PISD: variants seen among roughly 807,000 people sequenced by gnomAD.
The protein encoded by PISD is phosphatidylserine decarboxylase proenzyme, mitochondrial.
Under a neutral mutation model 43.5 loss-of-function variants are expected in PISD, and 31 were observed. That is an observed-to-expected ratio of 0.71 (90% CI 0.54 to 0.96). The LOEUF is 0.96. PISD is among the 40% of genes least tolerant of loss of function. The pLI is 0.00. For synonymous variants in PISD, 259 were observed against 228.7 expected (o/e 1.13, Z -1.20); for missense variants, 523 against 548.4 (o/e 0.95, Z 0.46).
chr22:31,641,607 G>C (rs2073729694), intron 3 of PISD, among the ~76,000 whole-genome samples: 1 of 151,460 alleles, frequency 6.6e-6, no homozygotes, highest in Non-Finnish European at 1.5e-5. Context: ...CTGAGGTCAA[G>C]AGTTCAAGAA....
chr22:31,654,164 TATCTGAGGTCTC>T (rs2074105813), intron 1 of PISD, among the ~76,000 whole-genome samples: 1 of 152,148 alleles, frequency 6.6e-6, no homozygotes, highest in Non-Finnish European at 1.5e-5. Flanking sequence ...TGCACACACA[TATCTGAGGTCTC>T]ATCTTACTTG....
At chr22:31,641,690 C>A (rs1326826799) in intron 3 of PISD, among the ~76,000 whole-genome samples, 7 of 150,934 alleles carry the variant, frequency 4.6e-5, no homozygotes, top group Non-Finnish European at 1.0e-4. Context: ...TGTGGTGCCA[C>A]AAGCCTGTAA....
intron 3 of PISD, chr22:31,623,721 C>A: frequency 6.2e-7 from 1 of 1,614,118 alleles, no homozygotes; most frequent in Non-Finnish European, 8.5e-7. Context: ...GCTGAGCGGT[C>A]TGAGGGCGCC....
rs891762697 is a variant in PISD, at chr22:31,650,734, G to A, written c.110C>T (p.Pro37Leu). 1.9e-6 allele frequency: 3 copies of A among 1,556,150 alleles called. No individual in the cohort carries two copies. In the African/African-American group the frequency reaches 4.1e-5, roughly 21 times the overall value. Reference protein sequence around the residue: ...EITALSQSLQPLRKLPFRAFR... With the variant: ...EITALSQSLQLLRKLPFRAFR... ...GGCTCTAAAAGGCAGCTTCCGTAAG[G>A]GCTGTAGGGATTGGCTCAGGGCAGT... The change falls in exon 2 of 8, where the codon CCC becomes CTC. Residue 37 changes from proline (P) to leucine (L), a missense_variant. By Grantham distance (98) the Pro-to-Leu change is moderately conservative. Coordinates refer to ENST00000439502, the MANE Select transcript of PISD (RefSeq NM_001326411.2).
At chr22:31,639,519 T>A (rs567373005) in intron 3 of PISD, among the ~76,000 whole-genome samples, 156 of 152,226 alleles carry the variant, frequency 1.0e-3, no homozygotes, top group African/African-American at 3.5e-3. Flanking sequence ...TGAGCCACCA[T>A]GCCTAGCTGA....
At chr22:31,655,316 C>CCTTTT (rs1491359661) in intron 1 of PISD, among the ~76,000 whole-genome samples, 33 of 145,158 alleles carry the variant, frequency 2.3e-4, no homozygotes, top group African/African-American at 8.3e-4. Context: ...GTACAACCCC[C>CCTTTT]TTTTTTTTTT....
chr22:31,640,973 C>G (rs1308035455), intron 3 of PISD, among the ~76,000 whole-genome samples: 2 of 139,288 alleles, frequency 1.4e-5, no homozygotes, highest in East Asian at 4.5e-4. Flanking sequence ...CTGCAACCTC[C>G]ACCTCCTGGG....
At chr22:31,620,482 C>T in intron 7 of PISD, 71 bp downstream of exon 7, 2 of 1,494,724 alleles carry the variant, frequency 1.3e-6, no homozygotes, top group East Asian at 2.3e-5. Flanking sequence ...GCATCCGCCG[C>T]ACAGCAGACA....
chr22:31,643,903 C>A (rs1307258518), intron 3 of PISD, among the ~76,000 whole-genome samples: 2 of 152,068 alleles, frequency 1.3e-5, no homozygotes, highest in East Asian at 1.9e-4. Flanking sequence ...AAAAAATTAG[C>A]CAGGCCTGGT....
intron 3 of PISD, chr22:31,628,296 T>G: frequency 1.7e-6 from 1 of 580,378 alleles, no homozygotes; most frequent in Non-Finnish European, 2.2e-6. Flanking sequence ...GCAGTGTTTC[T>G]GGCCTCCCTA....
At chr22:31,626,054 C>T in intron 3 of PISD, 3 of 1,420,256 alleles carry the variant, frequency 2.1e-6, no homozygotes, top group Non-Finnish European at 2.8e-6. Context: ...CACACCTGCT[C>T]AGGTCACCTG....
intron 1 of PISD, among the ~76,000 whole-genome samples, chr22:31,654,748 T>C (rs950630255): frequency 6.6e-6 from 1 of 152,106 alleles, no homozygotes; most frequent in South Asian, 2.1e-4. Context: ...GCCAGCTTGA[T>C]GCAGACAAAC....
chr22:31,648,395 G>C, intron 2 of PISD, 119 bp from the exon 3 acceptor site: 1 of 782,902 alleles, frequency 1.3e-6, no homozygotes, highest in South Asian at 1.8e-5. Context: ...CCCTCAGTAG[G>C]GGACCAGGCA....
At chr22:31,653,038 T>TAAA (rs36011234) in intron 1 of PISD, among the ~76,000 whole-genome samples, 1 of 114,386 alleles carries the variant, frequency 8.7e-6, no homozygotes, top group Non-Finnish European at 1.8e-5. Context: ...GACCCTACCT[T>TAAA]AAAAAAAAAA....
intron 3 of PISD, chr22:31,623,863 GT>G (rs1296642292): frequency 1.2e-6 from 2 of 1,609,220 alleles, no homozygotes; most frequent in South Asian, 2.2e-5. Flanking sequence ...CAGGGCACAG[GT>G]CCATGCACAG....
chr22:31,657,613 C>T (rs949613807), intron 1 of PISD, among the ~76,000 whole-genome samples: 1 of 152,044 alleles, frequency 6.6e-6, no homozygotes, highest in African/African-American at 2.4e-5. Context: ...ACCTCTGACT[C>T]CCAGGTTCAA....
intron 3 of PISD, among the ~76,000 whole-genome samples, chr22:31,626,499 GCTCT>G (rs2072915714): frequency 1.4e-5 from 2 of 138,948 alleles, no homozygotes; most frequent in South Asian, 4.3e-4. Context: ...ACCTGCTCTG[GCTCT>G]CTCCTCACCC....
chr22:31,662,322 A>G, upstream of PISD: 4 of 1,060,786 alleles, frequency 3.8e-6, no homozygotes, highest in South Asian at 1.3e-5. Context: ...TTGGGGGCGG[A>G]GCCGACTAAG....
chr22:31,653,754 G>A (rs868146789), intron 1 of PISD, among the ~76,000 whole-genome samples: 8 of 152,152 alleles, frequency 5.3e-5, no homozygotes, highest in East Asian at 3.9e-4. Context: ...AGGCCAAGGC[G>A]GGTGGATCAC....
Sources: gnomAD v4.1 joint callset for allele counts (sites outside exome capture counted in the v4.1 genomes callset) on GRCh38, gnomAD v4.1.1 for gene constraint, MANE v1.5 for transcripts, NCBI Gene and HGNC (gene_info 2026-07-23, HGNC 2026-07-21) for gene names.